Variants in PCDHGB2 observed in about 807,000 individuals in gnomAD.
The protein encoded by PCDHGB2 is protocadherin gamma-B2.
PCDHGB2 carries 55 observed loss-of-function variants against 59.3 expected under a neutral mutation model. The ratio of observed to expected loss-of-function variants is 0.93; its 90% CI spans 0.75 to 1.16. The LOEUF (loss-of-function observed/expected upper bound fraction) is 1.16, where lower values mean the gene tolerates loss of function less well. Ranked by LOEUF, PCDHGB2 falls within the 50% of genes most tolerant of loss-of-function variation. The probability of loss-of-function intolerance (pLI) is 0.00; values close to 1 mark genes in which losing one functional copy is unlikely to be tolerated. For missense variants in PCDHGB2, 1,228 were observed against 1,198.5 expected, an observed-to-expected ratio of 1.02 and a Z score of -0.36; for synonymous variants, 516 against 512.0, an observed-to-expected ratio of 1.01 and a Z score of -0.11.
rs775654786 is a variant in PCDHGB2 at position 141,491,718 on chromosome 5, G to A, written c.2422-3089G>A. Reference sequence around the variant, plus strand: ...GGAGCCAGGTGAGGGGCTCGGCGCCGCCCCGGGCGACCCCTGGGGGCGGCA... The same window carrying A: ...GGAGCCAGGTGAGGGGCTCGGCGCCACCCCGGGCGACCCCTGGGGGCGGCA... On this transcript the variant is annotated intron_variant, in intron 1 of 3. Coordinates refer to ENST00000522605, the MANE Select transcript of PCDHGB2 (RefSeq NM_018923.3). This position sits in a 1 kb window ranked among gnomAD's most constrained non-coding sequence, Gnocchi z 6.9. 1 of 1,607,600 alleles carries A rather than the reference G, an allele frequency of 6.2e-7. No homozygotes were observed. The highest frequency in any genetic ancestry group is 2.2e-5 in the East Asian group (1 of 44,690).
At chr5:141,423,099 G>C (rs1344463949) in intron 1 of PCDHGB2, 1 of 1,613,826 alleles carries the variant, frequency 6.2e-7, no homozygotes, top group Non-Finnish European at 8.5e-7. Flanking sequence ...GGGAGCACAC[G>C]GGCGAGGTGC....
rs200254467 is a variant in PCDHGB2 at position 141,419,887 on chromosome 5, C to T, written c.2421+57331C>T. 380 of 1,614,050 alleles carry T rather than the reference C, an allele frequency of 2.4e-4. 1 individual carries two copies. The Admixed American group carries it at 2.6e-3, about 11-fold the overall frequency. ...TGCAAGAGGTACTGCCGGATTTCAGCGACCATCCCACACCCTCTGACTCCC... is the reference window on the plus strand; with the variant it reads ...TGCAAGAGGTACTGCCGGATTTCAGTGACCATCCCACACCCTCTGACTCCC... On this transcript the variant is annotated intron_variant, in intron 1 of 3. Transcript: ENST00000522605.
intron 1 of PCDHGB2, among the ~76,000 whole-genome samples, chr5:141,460,951 G>GTATATA (rs200454978): frequency 7.2e-6 from 1 of 139,722 alleles, no homozygotes; most frequent in African/African-American, 2.8e-5. Flanking sequence ...TATGTATTAT[G>GTATATA]TATATATATA....
intron 1 of PCDHGB2, chr5:141,393,480 T>G (rs1026854698): frequency 5.0e-6 from 8 of 1,613,942 alleles, no homozygotes; most frequent in Non-Finnish European, 6.8e-6. Context: ...GCCGCCTCGC[T>G]CTAGCACAGT....
In PCDHGB2 at chr5:141,491,149, G is replaced by T; in HGVS notation, c.2422-3658G>T. 6.8e-6 allele frequency: 11 copies of T among 1,614,152 alleles called. No homozygotes were observed. The highest frequency in any genetic ancestry group is 9.3e-6 in the Non-Finnish European group (11 of 1,180,010). On this transcript the variant is annotated intron_variant, in intron 1 of 3. Transcript: ENST00000522605. This position sits in a 1 kb window ranked among gnomAD's most constrained non-coding sequence, Gnocchi z 6.9. ...GCGCACAGCCCGGGCCTTACTGGAGGATGACTCTGACACCCAGCAGGTGGT... is the reference window on the plus strand; with the variant it reads ...GCGCACAGCCCGGGCCTTACTGGAGTATGACTCTGACACCCAGCAGGTGGT...
rs888457230 is a variant in PCDHGB2, at chr5:141,493,727, C to T, written c.2422-1080C>T. On this transcript the variant is annotated intron_variant, in intron 1 of 3. Transcript: ENST00000522605. This position sits in a 1 kb window ranked among gnomAD's most constrained non-coding sequence, Gnocchi z 4.3. ...TGGAATGCTAGGTTTCTGGGTTCTG[C>T]TCATATCACTGCCACCTGTGAGCCT... Among the ~76,000 whole-genome samples, 2 of 152,184 alleles carry T rather than the reference C, an allele frequency of 1.3e-5. No homozygotes were observed. Among genetic ancestry groups the T allele is most frequent in the Admixed American group, 6.5e-5 (1 of 15,280 alleles).
Position 141,388,949 on chromosome 5 carries a change from G to A in PCDHGB2, c.2421+26393G>A. The A allele has an allele frequency of 6.2e-7, 1 of 1,613,986 alleles. No homozygotes were observed. The highest frequency in any genetic ancestry group is 8.5e-7 in the Non-Finnish European group (1 of 1,179,876). On this transcript the variant is annotated intron_variant, in intron 1 of 3. Coordinates refer to ENST00000522605, the MANE Select transcript of PCDHGB2 (RefSeq NM_018923.3). ...TCCAGTCTCTACCCAACCTAATTAT[G>A]GAGGACGCCGAGCTGGGAACACATA...
At chr5:141,453,083 A>G (rs1404530649) in intron 1 of PCDHGB2, among the ~76,000 whole-genome samples, 1 of 152,044 alleles carries the variant, frequency 6.6e-6, no homozygotes, top group African/African-American at 2.4e-5. Flanking sequence ...CTGGTTGATT[A>G]GTATATTTTC....
At chr5:141,374,714 G>A (rs1236113306) in intron 1 of PCDHGB2, 1 of 1,609,850 alleles carries the variant, frequency 6.2e-7, no homozygotes, top group Middle Eastern at 1.7e-4. Flanking sequence ...TTACCGCCTG[G>A]TCCTTACTGC....
intron 1 of PCDHGB2, chr5:141,378,704 G>A (rs1775100637): frequency 6.6e-6 from 1 of 152,054 alleles, no homozygotes. Flanking sequence ...AGACAATAAG[G>A]CTTTCATCAT....
intron 1 of PCDHGB2, chr5:141,400,138 A>T: frequency 6.2e-7 from 1 of 1,614,046 alleles, no homozygotes; most frequent in Non-Finnish European, 8.5e-7. Flanking sequence ...GCTGCCGGAT[A>T]TCACTGACCG....
At position 141,410,750 on chromosome 5, in the gene PCDHGB2, A is replaced by G. The variant is rs1256862831; in HGVS notation, c.2421+48194A>G. Reference sequence around the variant, plus strand: ...CATAGCTTTTTACAATATTTTCTCAATGTTTTTTCAATTATAGTTTTCACT... The same window carrying G: ...CATAGCTTTTTACAATATTTTCTCAGTGTTTTTTCAATTATAGTTTTCACT... On this transcript the variant is annotated intron_variant, in intron 1 of 3. Coordinates refer to ENST00000522605, the MANE Select transcript of PCDHGB2 (RefSeq NM_018923.3). 23 of 1,243,022 alleles carry G rather than the reference A, an allele frequency of 1.9e-5. No homozygotes were observed. The East Asian group carries it at 4.4e-4, about 24-fold the overall frequency. 77.0% of individuals were successfully genotyped at this position (1,243,022 alleles called of 1,614,324 possible). A position where few individuals can be genotyped will look rare whatever the true frequency, so the allele number is the denominator to read the frequency against.
intron 1 of PCDHGB2, among the ~76,000 whole-genome samples, chr5:141,479,837 G>A (rs563513895): frequency 3.9e-5 from 6 of 152,338 alleles, no homozygotes; most frequent in Non-Finnish European, 8.8e-5. Flanking sequence ...TGGTATCCAT[G>A]CAAGGTGACT....
chr5:141,499,401 C>A lies in PCDHGB2; in HGVS notation c.2480+4536C>A, dbSNP rs115575614. ...TTCCACTTATAAAATAGTACATGCTCATTATAGAAACATGAAAAATAGAAA... is the reference window on the plus strand; with the variant it reads ...TTCCACTTATAAAATAGTACATGCTAATTATAGAAACATGAAAAATAGAAA... On this transcript the variant is annotated intron_variant, in intron 2 of 3. Coordinates refer to ENST00000522605, the MANE Select transcript of PCDHGB2 (RefSeq NM_018923.3). Among the ~76,000 whole-genome samples, 871 of 152,186 alleles carry A rather than the reference C, an allele frequency of 5.7e-3. 5 individuals are homozygous for A. Among genetic ancestry groups the A allele is most frequent in the African/African-American group, 0.02 (847 of 41,502 alleles).
At chr5:141,460,580 G>A (rs1037056676) in intron 1 of PCDHGB2, among the ~76,000 whole-genome samples, 7 of 152,160 alleles carry the variant, frequency 4.6e-5, no homozygotes, top group African/African-American at 1.4e-4. Flanking sequence ...ATGTAGGTGT[G>A]GGTTTTTTCT....
intron 1 of PCDHGB2, chr5:141,428,086 G>C: frequency 1.9e-6 from 3 of 1,609,122 alleles, no homozygotes; most frequent in Non-Finnish European, 1.7e-6. Context: ...CACAACGCTT[G>C]GCTGTCCTAC....
In PCDHGB2 at chr5:141,374,472, C is replaced by T. The variant is rs749966400; in HGVS notation, c.2421+11916C>T. The T allele has an allele frequency of 5.0e-6, 8 of 1,612,276 alleles. No individual in the cohort carries two copies. The South Asian group carries it at 7.7e-5, about 15-fold the overall frequency. ...GAAATAGTGGACATTAATGACAATA[C>T]ACCCCGATTCTTAAAGGAAGAATTG... On this transcript the variant is annotated intron_variant, in intron 1 of 3. Transcript: ENST00000522605.
chr5:141,487,822 G>C lies in PCDHGB2; in HGVS notation c.2422-6985G>C. On this transcript the variant is annotated intron_variant, in intron 1 of 3. Coordinates refer to ENST00000522605, the MANE Select transcript of PCDHGB2 (RefSeq NM_018923.3). The surrounding 1 kb of genome is among the most constrained non-coding windows in gnomAD (Gnocchi z 5.0). ...TGTCACAGTTTAGCATTGGGGGCGGGTCATGCCTATATCTGAGTAAGAAAT... is the reference window on the plus strand; with the variant it reads ...TGTCACAGTTTAGCATTGGGGGCGGCTCATGCCTATATCTGAGTAAGAAAT... 1 of 1,278,758 alleles carries C rather than the reference G, an allele frequency of 7.8e-7. No individual in the cohort carries two copies. The highest frequency in any genetic ancestry group is 1.4e-5 in the South Asian group (1 of 69,172). The allele number at this position is 1,278,758 out of a possible 1,614,324, so 79.2% of individuals were successfully genotyped here. A position where few individuals can be genotyped will look rare whatever the true frequency, so the allele number is the denominator to read the frequency against.
chr5:141,430,471 T>TA (rs759564776), intron 1 of PCDHGB2: 176 of 234,152 alleles, frequency 7.5e-4, no homozygotes, highest in Non-Finnish European at 1.1e-3. Context: ...TGGAGCTATT[T>TA]AAGATATAAA....
Sources: gnomAD v4.1 joint callset for allele counts (sites outside exome capture counted in the v4.1 genomes callset) on GRCh38, gnomAD v4.1.1 for gene constraint, Gnocchi (gnomAD v3.1) non-coding constraint, MANE v1.5 for transcripts, NCBI Gene and HGNC (gene_info 2026-07-23, HGNC 2026-07-21) for gene names.